SYNE1: variants seen among roughly 807,000 people sequenced by gnomAD.
SYNE1 encodes the protein nesprin-1.
A neutral mutation model predicts 1,111.0 loss-of-function variants in SYNE1; 616 were observed. The observed-to-expected ratio is 0.55, with a 90% CI of 0.52 to 0.59. The LOEUF is 0.59. Ranked by LOEUF, SYNE1 falls within the 20% of genes least tolerant of loss-of-function variation. The pLI is 0.00. For missense variants in SYNE1, 10,006 were observed against 10,417.0 expected (o/e 0.96, Z 1.72); for synonymous variants, 3,855 against 3,825.8 (o/e 1.01, Z -0.28).
intron 130 of SYNE1, among the ~76,000 whole-genome samples, chr6:152,169,571 A>AAAT (rs2064606901): frequency 6.8e-6 from 1 of 148,056 alleles, no homozygotes; most frequent in South Asian, 2.2e-4. Context: ...CAAAAAAAAA[A>AAAT]AAAAAAAAAA....
intron 87 of SYNE1, among the ~76,000 whole-genome samples, chr6:152,311,950 ATT>A (rs201177649): frequency 1.3e-5 from 2 of 151,646 alleles, no homozygotes; most frequent in Non-Finnish European, 2.9e-5. Context: ...CGCCTGGCTA[ATT>A]TTTTGTATTT....
intron 82 of SYNE1, among the ~76,000 whole-genome samples, chr6:152,322,664 C>T (rs932830456): frequency 2.6e-5 from 4 of 152,174 alleles, no homozygotes; most frequent in African/African-American, 9.7e-5. Flanking sequence ...GTTTCCATCT[C>T]ATGCTTCATT....
intron 131 of SYNE1, among the ~76,000 whole-genome samples, chr6:152,161,173 T>TA (rs2062408321): frequency 7.7e-6 from 1 of 130,386 alleles, no homozygotes; most frequent in African/African-American, 3.4e-5. Flanking sequence ...CGTAGTAATG[T>TA]AACAAAAATA....
At chr6:152,580,370 G>C (rs2099515381) in intron 3 of SYNE1, among the ~76,000 whole-genome samples, 1 of 151,924 alleles carries the variant, frequency 6.6e-6, no homozygotes, top group Non-Finnish European at 1.5e-5. Flanking sequence ...TTTAGTTTTT[G>C]CTTGTTGATT....
chr6:152,187,626 G>A (rs1449662576), intron 128 of SYNE1, among the ~76,000 whole-genome samples: 4 of 152,008 alleles, frequency 2.6e-5, no homozygotes, highest in East Asian at 1.9e-4. Flanking sequence ...TCCCCTTTTC[G>A]AAACTCAATT....
intron 105 of SYNE1, among the ~76,000 whole-genome samples, chr6:152,246,316 T>A (rs1265477234): frequency 6.6e-6 from 1 of 150,810 alleles, no homozygotes; most frequent in African/African-American, 2.4e-5. Context: ...AAACAGATTA[T>A]ACAGGAAAAG....
chr6:152,198,949 T>C (rs1373248528), intron 127 of SYNE1, among the ~76,000 whole-genome samples: 1 of 151,072 alleles, frequency 6.6e-6, no homozygotes, highest in African/African-American at 2.4e-5. Flanking sequence ...GCTGGTAGAC[T>C]TGTTCTATGC....
Position 152,329,834 on chromosome 6 carries a change from T to C in SYNE1, c.14851A>G (p.Lys4951Glu). 6.2e-7 allele frequency: 1 copy of C among 1,614,154 alleles called. No individual in the cohort carries two copies. Among genetic ancestry groups the C allele is most frequent in the Non-Finnish European group, 8.5e-7 (1 of 1,180,026 alleles). ...MNALSHKEKE[K>E]FTKAKELISA... ...ATCAGCTCCTTGGCCTTTGTGAACT[T>C]CTCCTTTTCCTTGTGACTCAGCGCA... The change falls in exon 78 of 146, where the codon AAG becomes GAG. Residue 4951 changes from lysine (K) to glutamate (E), a missense_variant. Physicochemically the swap from Lys to Glu is moderately conservative, Grantham distance 56. This residue lies in a region of SYNE1 where 4,955 missense variants were observed against 5,017.2 expected (regional missense o/e 0.99). Transcript: ENST00000367255.
chr6:152,382,808 G>A (rs1407454145), intron 55 of SYNE1, among the ~76,000 whole-genome samples: 4 of 152,030 alleles, frequency 2.6e-5, no homozygotes, highest in Admixed American at 1.3e-4. Context: ...CATGAAAATG[G>A]AACACTTCAA....
At position 152,505,398 on chromosome 6, in the gene SYNE1, C is replaced by T. The variant is rs2099052282; in HGVS notation, c.582-1G>A. 1 of 1,613,568 alleles carries T rather than the reference C, an allele frequency of 6.2e-7. No homozygotes were observed. The highest frequency in any genetic ancestry group is 1.3e-5 in the African/African-American group (1 of 74,910). On this transcript the variant is annotated splice_acceptor_variant, in intron 8 of 145. Transcript: ENST00000367255. LOFTEE classifies it high-confidence loss of function. Reference sequence around the variant, plus strand: ...ATCTTTTACTTCTATTCCAGTCTGCCTTTGTGTTATAAAAACATAAAATGA... The same window carrying T: ...ATCTTTTACTTCTATTCCAGTCTGCTTTTGTGTTATAAAAACATAAAATGA...
chr6:152,449,707 T>G (rs555807296), intron 27 of SYNE1, 66 bp from the exon 28 acceptor site: 60 of 1,241,686 alleles, frequency 4.8e-5, no homozygotes, highest in Non-Finnish European at 6.7e-5. Flanking sequence ...ATATGTTTTC[T>G]ATTTTGAATT....
In SYNE1 at chr6:152,364,965, T is replaced by G. The variant is rs751195507; in HGVS notation, c.10027A>C (p.Arg3343=). 1 of 1,614,132 alleles carries G rather than the reference T, an allele frequency of 6.2e-7. No homozygotes were observed. Among genetic ancestry groups the G allele is most frequent in the East Asian group, 2.2e-5 (1 of 44,896 alleles). Residue 3343 remains arginine, a synonymous_variant, in exon 63 of 146, where the codon AGG becomes CGG. Transcript: ENST00000367255. The part of the protein sequence containing the change: ...KEIQMKMIVT[R]GESVLQNTSP... ...GTATTCTGAAGGACAGATTCTCCCC[T>G]GGTCACTATCATTTTCATCTGAATC... is the stretch of plus-strand genomic sequence containing the variant.
At chr6:152,609,704 G>C (rs1480957058) in intron 3 of SYNE1, among the ~76,000 whole-genome samples, 1 of 152,154 alleles carries the variant, frequency 6.6e-6, no homozygotes, top group Non-Finnish European at 1.5e-5. Flanking sequence ...GCCTAACTGG[G>C]ATACACCTCC....
At chr6:152,559,498 A>C (rs1003401566) in intron 3 of SYNE1, among the ~76,000 whole-genome samples, 12 of 152,202 alleles carry the variant, frequency 7.9e-5, no homozygotes, top group South Asian at 4.1e-4. Context: ...AAATTTGAAA[A>C]TTCTCAAATA....
rs1588649768 is a variant in SYNE1, at chr6:152,246,828, A to G, written c.19573-2172T>C. Among the ~76,000 whole-genome samples the G allele has an allele frequency of 2.0e-5, 3 of 152,342 alleles. No homozygotes were observed. The Middle Eastern group carries it at 0.01, about 518-fold the overall frequency. On this transcript the variant is annotated intron_variant, in intron 105 of 145. Coordinates refer to ENST00000367255, the MANE Select transcript of SYNE1 (RefSeq NM_182961.4). ...GAATGTTTTTAGATTCCTTAAGACA[A>G]CACTGAGAGCTAGAAAACAATGAAG...
At chr6:152,139,702 A>AAAG (rs2058008267) in intron 140 of SYNE1, among the ~76,000 whole-genome samples, 1 of 77,392 alleles carries the variant, frequency 1.3e-5, no homozygotes, top group Non-Finnish European at 2.5e-5. Flanking sequence ...AAGAAAGAGA[A>AAAG]AAAGAAAAGA....
chr6:152,449,739 T>A (rs1301173337), intron 27 of SYNE1, 98 bp from the exon 28 acceptor site: 1 of 941,916 alleles, frequency 1.1e-6, no homozygotes, highest in Non-Finnish European at 1.7e-6. Context: ...ATTTAACAAT[T>A]AAGTGATTAC....
Position 152,455,978 on chromosome 6 carries a change from C to T in SYNE1, c.2635G>A (p.Val879Ile). Reference sequence around the variant, plus strand: ...TTGCTCAAGGTCACAAACTTTTGAACACTTTGACTGCCTTTCTCAATAAGT... The same window carrying T: ...TTGCTCAAGGTCACAAACTTTTGAATACTTTGACTGCCTTTCTCAATAAGT... ...LTLIEKGSQS[V>I]QKFVTLSNVL... is the part of the protein sequence containing the mutation. Residue 879 changes from valine to isoleucine, a missense_variant, in exon 23 of 146, where the codon GTT becomes ATT. Around this residue, in one of 7 missense-constraint regions of SYNE1, gnomAD observed 1,971 missense variants for 2,084.1 expected, o/e 0.95. Transcript: ENST00000367255. 1 of 1,614,118 alleles carries T rather than the reference C, an allele frequency of 6.2e-7. No individual in the cohort carries two copies. The highest frequency in any genetic ancestry group is 1.1e-5 in the South Asian group (1 of 91,084).
chr6:152,225,644 T>C (rs932166336), intron 116 of SYNE1, 77 bp downstream of exon 116: 25 of 1,572,204 alleles, frequency 1.6e-5, no homozygotes, highest in Non-Finnish European at 2.2e-5. Flanking sequence ...TCTGCTACTT[T>C]AGGAAAACCA....
Sources: allele counts gnomAD v4.1 joint callset (sites outside exome capture counted in the v4.1 genomes callset), GRCh38; gene constraint gnomAD v4.1.1; regional missense constraint gnomAD v4.1.1; transcripts MANE v1.5; gene names NCBI Gene and HGNC (gene_info 2026-07-23, HGNC 2026-07-21).